The following CFAP58 variants were observed in gnomAD, a reference collection of about 807,000 sequenced individuals.
CFAP58 encodes the protein cilia- and flagella-associated protein 58.
A neutral mutation model predicts 119.5 loss-of-function variants in CFAP58; 88 were observed. The ratio of observed to expected loss-of-function variants is 0.74; its 90% confidence interval spans 0.62 to 0.88. CFAP58 has a LOEUF of 0.88. CFAP58 is among the 40% of genes least tolerant of loss of function. CFAP58 has a pLI of 0.00. For synonymous variants in CFAP58, 365 were observed against 366.3 expected, an observed-to-expected ratio of 1.00 and a Z score of 0.04; for missense variants, 990 against 1,021.2, an observed-to-expected ratio of 0.97 and a Z score of 0.42.
chr10:104,343,154 TA>T, the CFAP58 span, among the ~76,000 whole-genome samples: 2 of 152,198 alleles, frequency 1.3e-5, no homozygotes, highest in African/African-American at 4.8e-5. Context: ...CACAAGATAA[TA>T]GCAAGTTAGT....
At chr10:104,422,101 C>T (rs115169212) in intron 15 of CFAP58, among the ~76,000 whole-genome samples, 131 of 152,190 alleles carry the variant, frequency 8.6e-4, no homozygotes, top group African/African-American at 2.9e-3. Flanking sequence ...GCAAGAGAAT[C>T]GCTCGAAGGT....
At chr10:104,380,304 G>T (rs1039674124) in intron 9 of CFAP58, 84 bp downstream of exon 9, 46 of 1,232,564 alleles carry the variant, frequency 3.7e-5, no homozygotes, top group Non-Finnish European at 5.0e-5. Flanking sequence ...GTTGCAAAGA[G>T]AATTTATTCA....
At chr10:104,423,861 T>C (rs2012700223) in intron 15 of CFAP58, among the ~76,000 whole-genome samples, 1 of 152,224 alleles carries the variant, frequency 6.6e-6, no homozygotes, top group African/African-American at 2.4e-5. Flanking sequence ...CTGTTGGTGT[T>C]TTACCCAGAA....
At chr10:104,395,419 T>C (rs906909604) in intron 11 of CFAP58, among the ~76,000 whole-genome samples, 2 of 152,200 alleles carry the variant, frequency 1.3e-5, no homozygotes, top group African/African-American at 4.8e-5. Flanking sequence ...ATGATTGCTT[T>C]GGACTTACTG....
chr10:104,445,143 C>T (rs141826047), intron 15 of CFAP58, among the ~76,000 whole-genome samples: 1,764 of 151,406 alleles, frequency 0.012, 35 homozygotes, highest in African/African-American at 0.04. Flanking sequence ...GGCAACATAG[C>T]GAGACCCCGC....
At chr10:104,420,584 T>C (rs2012639273) in intron 15 of CFAP58, among the ~76,000 whole-genome samples, 1 of 152,176 alleles carries the variant, frequency 6.6e-6, no homozygotes, top group Non-Finnish European at 1.5e-5. Context: ...ATCAAACTTC[T>C]ATGACATACA....
At chr10:104,343,864 C>T in the CFAP58 span, among the ~76,000 whole-genome samples, 366 of 152,228 alleles carry the variant, frequency 2.4e-3, 3 homozygotes, top group African/African-American at 7.7e-3. Flanking sequence ...TGCCTCAGCC[C>T]TCTGAGTAGC....
At chr10:104,347,762 A>C in the CFAP58 span, among the ~76,000 whole-genome samples, 1 of 152,036 alleles carries the variant, frequency 6.6e-6, no homozygotes, top group African/African-American at 2.4e-5. Flanking sequence ...TGTTAGGAGG[A>C]TACAAAGTAT....
the CFAP58 span, among the ~76,000 whole-genome samples, chr10:104,339,586 AGATCAC>A: frequency 1.2e-4 from 19 of 152,338 alleles, no homozygotes; most frequent in African/African-American, 4.6e-4. Context: ...ATTTGGTCTT[AGATCAC>A]CTTTTTTTCG....
At chr10:104,395,792 C>T (rs10509771) in intron 11 of CFAP58, among the ~76,000 whole-genome samples, 5,494 of 152,232 alleles carry the variant, frequency 0.036, 162 homozygotes, top group Admixed American at 0.084. Context: ...CGAAGCTACG[C>T]GGGTACATAA....
intron 3 of CFAP58, among the ~76,000 whole-genome samples, chr10:104,363,590 G>C (rs189825446): frequency 6.6e-6 from 1 of 152,212 alleles, no homozygotes; most frequent in Admixed American, 6.5e-5. Flanking sequence ...ACAAGCATTG[G>C]AAGAGGGTGA....
At chr10:104,417,754 T>C (rs2012576487) in intron 15 of CFAP58, among the ~76,000 whole-genome samples, 1 of 152,244 alleles carries the variant, frequency 6.6e-6, no homozygotes, top group Admixed American at 6.5e-5. Context: ...GCATCTGCTT[T>C]CACTGCAGCC....
At chr10:104,368,647 C>T in intron 6 of CFAP58, 87 bp downstream of exon 6, 1 of 1,434,896 alleles carries the variant, frequency 7.0e-7, no homozygotes, top group Non-Finnish European at 9.7e-7. Context: ...GTTGGAGAGC[C>T]TGTGTTGGCT....
chr10:104,395,968 T>C (rs771956083), intron 11 of CFAP58, among the ~76,000 whole-genome samples: 16 of 152,158 alleles, frequency 1.1e-4, no homozygotes, highest in Admixed American at 6.5e-4. Context: ...TGTCCTTCCA[T>C]GTTTCTTTTA....
At chr10:104,374,453 GAAAAA>G (rs71022730) in intron 7 of CFAP58, among the ~76,000 whole-genome samples, 1 of 30,696 alleles carries the variant, frequency 3.3e-5, no homozygotes, top group African/African-American at 1.2e-4. Flanking sequence ...CTTGTTTCAG[GAAAAA>G]AAAAAAAAAA....
At chr10:104,415,009 C>G (rs1465755476) in intron 15 of CFAP58, among the ~76,000 whole-genome samples, 1 of 152,208 alleles carries the variant, frequency 6.6e-6, no homozygotes. Flanking sequence ...GCCTGCCCAC[C>G]GCAGTCACTG....
At chr10:104,349,514 C>T (rs2014435728), upstream of CFAP58, among the ~76,000 whole-genome samples, 1 of 152,154 alleles carries the variant, frequency 6.6e-6, no homozygotes. Flanking sequence ...AACTTAATCA[C>T]CTCTTTAAAG....
At chr10:104,416,183 AC>A (rs758250931) in intron 15 of CFAP58, among the ~76,000 whole-genome samples, 1 of 152,228 alleles carries the variant, frequency 6.6e-6, no homozygotes, top group Non-Finnish European at 1.5e-5. Flanking sequence ...GTGATGTATT[AC>A]TAGAAGGGTT....
intron 15 of CFAP58, among the ~76,000 whole-genome samples, chr10:104,440,152 C>A (rs2013014078): frequency 6.8e-6 from 1 of 148,050 alleles, no homozygotes; most frequent in African/African-American, 2.6e-5. Context: ...AACTCCTCTT[C>A]TTCCCCTTTA....
Sources: allele counts gnomAD v4.1 joint callset (sites outside exome capture counted in the v4.1 genomes callset), GRCh38; gene constraint gnomAD v4.1.1; transcripts MANE v1.5; gene names NCBI Gene and HGNC (gene_info 2026-07-23, HGNC 2026-07-21).